Variants in TNIK observed in about 807,000 individuals in gnomAD.
TNIK encodes the protein TRAF2 and NCK-interacting protein kinase.
Under a neutral mutation model 191.3 loss-of-function variants are expected in TNIK, and 49 were observed. That is an observed-to-expected ratio of 0.26 (90% CI 0.20 to 0.32). The LOEUF (loss-of-function observed/expected upper bound fraction) is 0.32. TNIK is among the 10% of genes least tolerant of loss of function. The pLI is 1.00. For missense variants in TNIK, 1,155 were observed against 1,702.3 expected (o/e 0.68, Z 5.66); for synonymous variants, 594 against 600.9 (o/e 0.99, Z 0.17).
At chr3:171,384,787 T>C (rs1262365055) in intron 1 of TNIK, among the ~76,000 whole-genome samples, 1 of 152,188 alleles carries the variant, frequency 6.6e-6, no homozygotes, top group Admixed American at 6.5e-5. Flanking sequence ...AAAAGAACTG[T>C]GTTTTAGAAG....
chr3:171,165,116 C>T (rs1024558405), intron 10 of TNIK, among the ~76,000 whole-genome samples: 4 of 151,958 alleles, frequency 2.6e-5, no homozygotes, highest in African/African-American at 4.8e-5. Context: ...AGTGAGACCT[C>T]GTCTCTACTA....
chr3:171,275,306 G>A (rs1408216476), intron 2 of TNIK, among the ~76,000 whole-genome samples: 1 of 152,166 alleles, frequency 6.6e-6, no homozygotes, highest in Admixed American at 6.5e-5. Flanking sequence ...ATGGTTACCA[G>A]TTATATGAAG....
At chr3:171,398,653 T>C (rs1175374873) in intron 1 of TNIK, among the ~76,000 whole-genome samples, 2 of 152,182 alleles carry the variant, frequency 1.3e-5, no homozygotes, top group African/African-American at 4.8e-5. Flanking sequence ...AATGAACAAC[T>C]GGGCTCAAGC....
intron 28 of TNIK, among the ~76,000 whole-genome samples, chr3:171,077,878 T>G (rs1189390023): frequency 6.7e-6 from 1 of 148,814 alleles, no homozygotes; most frequent in Non-Finnish European, 1.5e-5. Context: ...TGTATACACA[T>G]ACACACACTC....
intron 2 of TNIK, among the ~76,000 whole-genome samples, chr3:171,353,258 A>G (rs1462064496): frequency 6.6e-6 from 1 of 152,212 alleles, no homozygotes; most frequent in Non-Finnish European, 1.5e-5. Context: ...CATTATGCCA[A>G]TGAATTATAT....
chr3:171,120,435 C>G (rs375448044), intron 18 of TNIK, among the ~76,000 whole-genome samples: 54 of 151,542 alleles, frequency 3.6e-4, no homozygotes, highest in African/African-American at 1.2e-3. Context: ...ATTCTCCTGC[C>G]TCAGCCTCCC....
intron 1 of TNIK, among the ~76,000 whole-genome samples, chr3:171,452,057 A>G (rs1314710202): frequency 6.6e-6 from 1 of 152,220 alleles, no homozygotes; most frequent in Non-Finnish European, 1.5e-5. Flanking sequence ...GAGAGACAGC[A>G]CTTTAAAATC....
At chr3:171,288,309 A>C (rs1395614836) in intron 2 of TNIK, among the ~76,000 whole-genome samples, 3 of 150,856 alleles carry the variant, frequency 2.0e-5, no homozygotes, top group Non-Finnish European at 4.4e-5. Context: ...CCTAAAACTT[A>C]AAGTATAATT....
At chr3:171,237,302 T>A (rs1289720113) in intron 2 of TNIK, among the ~76,000 whole-genome samples, 4 of 152,098 alleles carry the variant, frequency 2.6e-5, no homozygotes, top group Admixed American at 6.5e-5. Flanking sequence ...AAGACTGGAA[T>A]ATAATTAGGG....
At chr3:171,107,284 A>T in intron 20 of TNIK, 78 bp from the exon 21 acceptor site, 1 of 1,419,202 alleles carries the variant, frequency 7.0e-7, no homozygotes, top group Non-Finnish European at 9.7e-7. Flanking sequence ...ATTAGACACA[A>T]AATTGTAATT....
chr3:171,233,483 G>A (rs1018303246), intron 2 of TNIK, among the ~76,000 whole-genome samples: 1 of 152,130 alleles, frequency 6.6e-6, no homozygotes, highest in African/African-American at 2.4e-5. Context: ...ATCAATCATA[G>A]ATGCTGCAGT....
intron 12 of TNIK, among the ~76,000 whole-genome samples, chr3:171,145,144 T>C (rs372163221): frequency 1.3e-3 from 188 of 150,216 alleles, no homozygotes; most frequent in African/African-American, 4.3e-3. Flanking sequence ...TGGAGTACAG[T>C]GGTGCAATCT....
intron 1 of TNIK, among the ~76,000 whole-genome samples, chr3:171,405,886 G>T (rs1203405532): frequency 1.3e-5 from 2 of 152,218 alleles, no homozygotes; most frequent in African/African-American, 4.8e-5. Context: ...AAAGTAGCCA[G>T]GTTGAGGGCA....
intron 2 of TNIK, among the ~76,000 whole-genome samples, chr3:171,330,836 T>C (rs2108364983): frequency 6.6e-6 from 1 of 152,244 alleles, no homozygotes; most frequent in East Asian, 1.9e-4. Flanking sequence ...AATCTATTCT[T>C]ACCCTACGAC....
intron 12 of TNIK, among the ~76,000 whole-genome samples, chr3:171,145,084 CTCTCT>C (rs1731356216): frequency 1.7e-5 from 2 of 119,598 alleles, no homozygotes; most frequent in Non-Finnish European, 3.2e-5. Flanking sequence ...ACAGCTATCT[CTCTCT>C]TTTTTTTTTT....
chr3:171,121,509 AG>A (rs1319891013), intron 18 of TNIK, among the ~76,000 whole-genome samples: 5 of 152,210 alleles, frequency 3.3e-5, no homozygotes, highest in African/African-American at 1.2e-4. Flanking sequence ...AGATCACCAA[AG>A]GGTAAAGAAG....
intron 2 of TNIK, among the ~76,000 whole-genome samples, chr3:171,277,091 G>A (rs1387934410): frequency 6.6e-6 from 1 of 152,132 alleles, no homozygotes; most frequent in East Asian, 1.9e-4. Context: ...TCAGGGGTGG[G>A]TGACACAGGA....
intron 24 of TNIK, 43 bp from the exon 25 acceptor site, chr3:171,085,272 G>T (rs1231788029): frequency 2.0e-6 from 3 of 1,520,090 alleles, no homozygotes; most frequent in Non-Finnish European, 2.7e-6. Context: ...GATAAATACT[G>T]CAGGAATAAC....
At chr3:171,078,495 C>T (rs950741522) in intron 28 of TNIK, among the ~76,000 whole-genome samples, 51 of 150,372 alleles carry the variant, frequency 3.4e-4, no homozygotes, top group African/African-American at 1.2e-3. Context: ...TTTTTTTTAA[C>T]AGCCCTTTTC....
Sources: gnomAD v4.1 joint callset for allele counts (sites outside exome capture counted in the v4.1 genomes callset) on GRCh38, gnomAD v4.1.1 for gene constraint, MANE v1.5 for transcripts, NCBI Gene and HGNC (gene_info 2026-07-23, HGNC 2026-07-21) for gene names.